The following CHST9 variants were observed in gnomAD, a reference collection of about 807,000 sequenced individuals.
CHST9 encodes the protein carbohydrate sulfotransferase 9.
In CHST9, 41 loss-of-function variants were observed where a neutral mutation model predicts 44.4. That is an observed-to-expected ratio of 0.92 (90% CI 0.72 to 1.20). The LOEUF (loss-of-function observed/expected upper bound fraction) is 1.20. CHST9 is among the 50% of genes most tolerant of loss of function. The pLI, the probability that CHST9 is intolerant of heterozygous loss-of-function variation, is 0.00. For synonymous variants in CHST9, 171 were observed against 178.4 expected, an observed-to-expected ratio of 0.96 and a Z score of 0.33; for missense variants, 504 against 516.5, an observed-to-expected ratio of 0.98 and a Z score of 0.23.
chr18:27,070,631 T>C (rs997559089), intron 2 of CHST9, among the ~76,000 whole-genome samples: 4 of 152,346 alleles, frequency 2.6e-5, no homozygotes, highest in African/African-American at 9.6e-5. Flanking sequence ...ATATGTCAGG[T>C]ACTCTAGGTC....
At chr18:27,173,725 A>G (rs1490529803) in intron 1 of CHST9, among the ~76,000 whole-genome samples, 2 of 151,980 alleles carry the variant, frequency 1.3e-5, no homozygotes, top group African/African-American at 4.8e-5. Context: ...CTGTTAATTA[A>G]ACAACTTTCA....
chr18:27,076,554 C>T lies in CHST9; in HGVS notation c.122-28051G>A, dbSNP rs191826290. On this transcript the variant is annotated intron_variant, in intron 2 of 5. Transcript: ENST00000618847. ...GAGTTCAGAATGAAATTCCACAGTC[C>T]GTGAGCCTATACTTCCCTACCAACT... Among the ~76,000 whole-genome samples the T allele has an allele frequency of 5.9e-5, 9 of 152,220 alleles. No homozygotes were observed. The East Asian group carries it at 1.4e-3, about 23-fold the overall frequency.
intron 2 of CHST9, among the ~76,000 whole-genome samples, chr18:27,077,502 C>T (rs991989226): frequency 6.6e-6 from 1 of 152,002 alleles, no homozygotes; most frequent in African/African-American, 2.4e-5. Context: ...CTTAATAAAA[C>T]CTTGTTAAAT....
intron 2 of CHST9, among the ~76,000 whole-genome samples, chr18:27,130,895 A>C (rs1035831412): frequency 7.2e-5 from 11 of 152,194 alleles, no homozygotes; most frequent in African/African-American, 2.7e-4. Context: ...CAAATATGAA[A>C]ATGGAATACA....
intron 1 of CHST9, among the ~76,000 whole-genome samples, chr18:27,144,676 G>A (rs561425703): frequency 4.6e-5 from 7 of 152,026 alleles, no homozygotes; most frequent in Admixed American, 3.3e-4. Flanking sequence ...GCAACAGAGC[G>A]AGACTCTGTC....
chr18:27,046,001 G>T (rs186545580), intron 3 of CHST9, among the ~76,000 whole-genome samples: 226 of 152,090 alleles, frequency 1.5e-3, no homozygotes, highest in Non-Finnish European at 2.6e-3. Context: ...CTTAAGTTTT[G>T]TTGACCACCA....
intron 2 of CHST9, among the ~76,000 whole-genome samples, chr18:27,064,945 C>A (rs1333890538): frequency 1.3e-5 from 2 of 152,186 alleles, no homozygotes; most frequent in African/African-American, 2.4e-5. Flanking sequence ...GGATCTGTAT[C>A]CCCTGGCAAG....
intron 3 of CHST9, among the ~76,000 whole-genome samples, chr18:27,038,200 C>A (rs551422219): frequency 3.9e-5 from 6 of 152,110 alleles, no homozygotes; most frequent in East Asian, 1.9e-4. Context: ...AAAATGAATT[C>A]ATGTCTTACT....
chr18:27,038,650 T>C, intron 3 of CHST9, among the ~76,000 whole-genome samples: 1 of 152,196 alleles, frequency 6.6e-6, no homozygotes, highest in East Asian at 1.9e-4. Flanking sequence ...ACTCAGAAAC[T>C]GAATTTTTAA....
intron 2 of CHST9, among the ~76,000 whole-genome samples, chr18:27,061,498 G>T (rs1448324654): frequency 6.6e-6 from 1 of 152,134 alleles, no homozygotes; most frequent in South Asian, 2.1e-4. Flanking sequence ...CACAGAAGGT[G>T]AGGAGGGCCC....
chr18:26,917,037 A>T lies in CHST9; in HGVS notation c.554T>A (p.Phe185Tyr). The T allele has an allele frequency of 6.2e-7, 1 of 1,613,924 alleles. No individual in the cohort carries two copies. The highest frequency in any genetic ancestry group is 8.5e-7 in the Non-Finnish European group (1 of 1,179,876). The change falls in exon 6 of 6, where the codon TTT becomes TAT. Residue 185 changes from phenylalanine to tyrosine, a missense_variant. By Grantham distance (22) the Phe-to-Tyr change is conservative. Coordinates refer to ENST00000618847, the MANE Select transcript of CHST9 (RefSeq NM_031422.6). ...ACTCACCCCACCGTATTTCTTGCAA[A>T]ACTCCTGAAGGAAAGACCTTCGTTT... ...QEKRRSFLQE[F>Y]CKKYGGVSHH...
At chr18:27,132,189 G>T (rs2058477500) in intron 2 of CHST9, among the ~76,000 whole-genome samples, 1 of 152,260 alleles carries the variant, frequency 6.6e-6, no homozygotes, top group South Asian at 2.1e-4. Context: ...GACACAAAAT[G>T]ATAGTCACAT....
intron 2 of CHST9, among the ~76,000 whole-genome samples, chr18:27,136,972 T>G (rs529161194): frequency 6.6e-6 from 1 of 152,304 alleles, no homozygotes; most frequent in African/African-American, 2.4e-5. Context: ...TTTTTACTGC[T>G]TTGTATGTTT....
chr18:27,154,106 C>CA (rs2058680429), intron 1 of CHST9, among the ~76,000 whole-genome samples: 1 of 152,054 alleles, frequency 6.6e-6, no homozygotes, highest in South Asian at 2.1e-4. Context: ...TTTTATTTCT[C>CA]AATTTTATTA....
At chr18:27,136,372 G>A (rs1299004644) in intron 2 of CHST9, among the ~76,000 whole-genome samples, 3 of 152,150 alleles carry the variant, frequency 2.0e-5, no homozygotes, top group East Asian at 1.9e-4. Context: ...CTGGAAGCAC[G>A]GAGTGTCATT....
intron 2 of CHST9, among the ~76,000 whole-genome samples, chr18:27,092,841 T>A (rs544396685): frequency 6.6e-6 from 1 of 152,338 alleles, no homozygotes; most frequent in South Asian, 2.1e-4. Flanking sequence ...TTTTTACATT[T>A]GCTGAGAAGT....
chr18:27,050,093 G>C (rs781419525), intron 2 of CHST9, among the ~76,000 whole-genome samples: 14 of 152,126 alleles, frequency 9.2e-5, no homozygotes, highest in Non-Finnish European at 1.5e-4. Context: ...AGTAGTTTTA[G>C]CAGAGAGTGG....
At chr18:26,933,293 T>A (rs2055914563) in intron 5 of CHST9, among the ~76,000 whole-genome samples, 5 of 152,188 alleles carry the variant, frequency 3.3e-5, no homozygotes, top group Non-Finnish European at 5.9e-5. Flanking sequence ...ATCACTTGAA[T>A]AGGATACCCA....
Position 26,914,770 on chromosome 18 carries a change from A to T in CHST9, c.*1489T>A. 2.5e-6 allele frequency: 1 copy of T among 394,466 alleles called. No homozygotes were observed. The highest frequency in any genetic ancestry group is 3.6e-5 in the East Asian group (1 of 27,898). The allele number at this position is 394,466 out of a possible 1,614,324, so 24.4% of individuals were successfully genotyped here. On this transcript the variant is annotated 3_prime_UTR_variant, in exon 6 of 6. Transcript: ENST00000618847. ...ACTGCAACTATCTTGGTCTATTAAC[A>T]TTCAACTATTAATACCTACTGTTCT...
Sources: allele counts gnomAD v4.1 joint callset (sites outside exome capture counted in the v4.1 genomes callset), GRCh38; gene constraint gnomAD v4.1.1; transcripts MANE v1.5; gene names NCBI Gene and HGNC (gene_info 2026-07-23, HGNC 2026-07-21).